Variants in SKAP1 observed in about 807,000 individuals in gnomAD.
SKAP1 encodes the protein src kinase-associated phosphoprotein 1.
Under a neutral mutation model 58.5 loss-of-function variants are expected in SKAP1, and 44 were observed. That is an observed-to-expected ratio of 0.75 (90% CI 0.59 to 0.97). The LOEUF (loss-of-function observed/expected upper bound fraction) is 0.97, where lower values mean the gene tolerates loss of function less well. Ranked by LOEUF, SKAP1 falls within the 50% of genes least tolerant of loss-of-function variation. The pLI, the probability that SKAP1 is intolerant of heterozygous loss-of-function variation, is 0.00. For missense variants in SKAP1, 390 were observed against 435.2 expected (o/e 0.90, Z 0.92); for synonymous variants, 127 against 149.7 (o/e 0.85, Z 1.11).
intron 4 of SKAP1, 43 bp downstream of exon 4, chr17:48,345,862 T>C (rs1167677766): frequency 3.7e-6 from 5 of 1,339,384 alleles, no homozygotes; most frequent in Non-Finnish European, 5.4e-6. Flanking sequence ...CAGAAGATAA[T>C]GAAGTATGGT....
At chr17:48,255,140 A>C (rs2065408797) in intron 4 of SKAP1, among the ~76,000 whole-genome samples, 1 of 152,100 alleles carries the variant, frequency 6.6e-6, no homozygotes. Flanking sequence ...TTGGTGAAGA[A>C]AGGAAGAGGA....
rs143641420 is a variant in SKAP1, at chr17:48,367,561, C to CATATATAT, written c.153-3755_153-3748dup. Among the ~76,000 whole-genome samples the CATATATAT allele has an allele frequency of 2.9e-3, 416 of 142,166 alleles. 1 individual carries two copies. The highest frequency in any genetic ancestry group is 0.01 in the African/African-American group (393 of 38,792). 93.3% of individuals were successfully genotyped at this position (142,166 alleles called of 152,430 possible). A position where few individuals can be genotyped will look rare whatever the true frequency, so the allele number is the denominator to read the frequency against. On this transcript the variant is annotated intron_variant, in intron 2 of 12. Coordinates refer to ENST00000336915, the MANE Select transcript of SKAP1 (RefSeq NM_003726.4). ...GTATATATATATATGGATATATATC[C>CATATATAT]ATATATATATATATATAATCATACT...
intron 4 of SKAP1, among the ~76,000 whole-genome samples, chr17:48,228,172 TGA>T (rs749675051): frequency 4.0e-5 from 6 of 150,686 alleles, no homozygotes; most frequent in African/African-American, 4.9e-5. Flanking sequence ...AGGGTGTGTG[TGA>T]GAGAGAGAGA....
intron 3 of SKAP1, among the ~76,000 whole-genome samples, chr17:48,352,272 C>T (rs1222782791): frequency 5.9e-5 from 9 of 152,122 alleles, no homozygotes; most frequent in Admixed American, 5.9e-4. Flanking sequence ...AAGCAAATTA[C>T]AGCCTGTCAG....
chr17:48,179,898 C>T (rs1195560009), intron 9 of SKAP1, among the ~76,000 whole-genome samples, 156 bp downstream of exon 9: 1 of 152,200 alleles, frequency 6.6e-6, no homozygotes, highest in Non-Finnish European at 1.5e-5. Flanking sequence ...CCTCATTACC[C>T]ACTTCCCTAC....
intron 3 of SKAP1, among the ~76,000 whole-genome samples, chr17:48,350,413 C>T (rs1474196860): frequency 2.0e-5 from 3 of 152,074 alleles, no homozygotes; most frequent in African/African-American, 7.2e-5. Flanking sequence ...CTAAGGTTTG[C>T]AGCCGGGCGT....
intron 1 of SKAP1, among the ~76,000 whole-genome samples, chr17:48,422,140 G>A (rs2067802038): frequency 6.6e-6 from 1 of 152,162 alleles, no homozygotes; most frequent in African/African-American, 2.4e-5. Context: ...GAACCCAGGA[G>A]GCAGAGGTTG....
At chr17:48,285,547 G>A (rs545035323) in intron 4 of SKAP1, among the ~76,000 whole-genome samples, 5 of 151,776 alleles carry the variant, frequency 3.3e-5, no homozygotes, top group Admixed American at 2.6e-4. Flanking sequence ...TCTGGGAGGC[G>A]GAGTTTGCAG....
chr17:48,149,114 C>G (rs936929516), intron 11 of SKAP1, among the ~76,000 whole-genome samples: 1 of 152,194 alleles, frequency 6.6e-6, no homozygotes, highest in African/African-American at 2.4e-5. Flanking sequence ...CAGGGCCAAC[C>G]CTGTCTCTGC....
intron 4 of SKAP1, among the ~76,000 whole-genome samples, chr17:48,312,964 A>C (rs1567863868): frequency 2.0e-5 from 3 of 152,170 alleles, no homozygotes; most frequent in African/African-American, 4.8e-5. Context: ...ATAATACCAG[A>C]GGTTTTCTTT....
chr17:48,308,625 G>T (rs558178633), intron 4 of SKAP1: 16 of 152,224 alleles, frequency 1.1e-4, no homozygotes, highest in Non-Finnish European at 2.4e-4. Flanking sequence ...GCTGAAATAG[G>T]CATAGAAAGA....
At chr17:48,288,965 G>A (rs1034938659) in intron 4 of SKAP1, among the ~76,000 whole-genome samples, 3 of 152,084 alleles carry the variant, frequency 2.0e-5, no homozygotes, top group Non-Finnish European at 4.4e-5. Context: ...GAAGCTGAAC[G>A]CTGCTATGCC....
At chr17:48,396,384 T>C (rs2067418370) in intron 2 of SKAP1, among the ~76,000 whole-genome samples, 3 of 152,228 alleles carry the variant, frequency 2.0e-5, no homozygotes, top group Admixed American at 2.0e-4. Context: ...AATGTTTAGC[T>C]TTCACCATTT....
At chr17:48,260,920 T>C (rs902262043) in intron 4 of SKAP1, among the ~76,000 whole-genome samples, 27 of 152,190 alleles carry the variant, frequency 1.8e-4, no homozygotes, top group Admixed American at 1.8e-3. Context: ...ACTGTTCCCC[T>C]GCCTGGAACA....
intron 4 of SKAP1, among the ~76,000 whole-genome samples, chr17:48,204,973 T>TTTTCTTTTTCTTTCTTTC (rs71356522): frequency 1.3e-5 from 1 of 77,296 alleles, no homozygotes; most frequent in African/African-American, 6.2e-5. Flanking sequence ...TTTTCTTTTC[T>TTTTCTTTTTCTTTCTTTC]TTTCTTTCTT....
chr17:48,399,037 C>CA (rs201988845), intron 1 of SKAP1, among the ~76,000 whole-genome samples: 25 of 150,212 alleles, frequency 1.7e-4, no homozygotes, highest in Admixed American at 2.6e-4. Context: ...AACAAACAAA[C>CA]AAACAAAAAA....
intron 4 of SKAP1, among the ~76,000 whole-genome samples, chr17:48,265,448 T>G (rs1400814224): frequency 6.7e-6 from 1 of 150,208 alleles, no homozygotes; most frequent in African/African-American, 2.5e-5. Flanking sequence ...GAGGTTGCAG[T>G]GAGCTGAGAC....
intron 4 of SKAP1, among the ~76,000 whole-genome samples, chr17:48,291,394 A>G (rs1376530697): frequency 6.6e-6 from 1 of 152,214 alleles, no homozygotes; most frequent in Non-Finnish European, 1.5e-5. Flanking sequence ...CAGCTGCCTC[A>G]TCTATTCTGC....
chr17:48,342,240 G>A (rs1428586385), intron 4 of SKAP1, among the ~76,000 whole-genome samples: 1 of 152,036 alleles, frequency 6.6e-6, no homozygotes, highest in African/African-American at 2.4e-5. Context: ...GCAAGTTTTT[G>A]TTCCCGATGG....
Sources: gnomAD v4.1 joint callset for allele counts (sites outside exome capture counted in the v4.1 genomes callset) on GRCh38, gnomAD v4.1.1 for gene constraint, MANE v1.5 for transcripts, NCBI Gene and HGNC (gene_info 2026-07-23, HGNC 2026-07-21) for gene names.